Variants in GZMM observed in about 807,000 individuals in gnomAD.
GZMM encodes the protein HU-Met-1.
A neutral mutation model predicts 19.2 loss-of-function variants in GZMM; 23 were observed. The observed-to-expected ratio is 1.20, with a 90% CI of 0.86 to 1.69. The LOEUF is 1.69. GZMM is among the 40% of genes most tolerant of loss of function. The pLI, the probability that GZMM is intolerant of heterozygous loss-of-function variation, is 0.00. For missense variants in GZMM, 373 were observed against 352.2 expected, an observed-to-expected ratio of 1.06 and a Z score of -0.47; for synonymous variants, 178 against 160.2, an observed-to-expected ratio of 1.11 and a Z score of -0.84.
At chr19:546,160 A>G (rs563291336) in intron 1 of GZMM, among the ~76,000 whole-genome samples, 1 of 152,350 alleles carries the variant, frequency 6.6e-6, no homozygotes, top group Non-Finnish European at 1.5e-5. Context: ...TATGAAATCA[A>G]TCCTTTTATA....
intron 2 of GZMM, 27 bp from the exon 3 acceptor site, chr19:548,515 C>T (rs1980371309): frequency 1.9e-6 from 3 of 1,610,624 alleles, no homozygotes; most frequent in Non-Finnish European, 2.5e-6. Flanking sequence ...GGCCAGGCCG[C>T]AGCACCCTGA....
At chr19:544,539 G>T (rs1321769410) in intron 1 of GZMM, among the ~76,000 whole-genome samples, 1 of 152,258 alleles carries the variant, frequency 6.6e-6, no homozygotes, top group African/African-American at 2.4e-5. Context: ...GCCCAGCAGT[G>T]AGGGAGAAGG....
intron 2 of GZMM, among the ~76,000 whole-genome samples, chr19:547,652 C>T: frequency 6.6e-6 from 1 of 152,242 alleles, no homozygotes; most frequent in East Asian, 1.9e-4. Flanking sequence ...GCTCCTTCCA[C>T]ACCGCAGCCT....
At chr19:546,964 G>C (rs1478964542) in intron 1 of GZMM, among the ~76,000 whole-genome samples, 4 of 151,976 alleles carry the variant, frequency 2.6e-5, no homozygotes. Context: ...GATCACAGGG[G>C]TGAGCCACCC....
chr19:548,898 C>T (rs531462598), intron 3 of GZMM, 24 bp from the exon 4 acceptor site: 4 of 1,508,940 alleles, frequency 2.7e-6, no homozygotes, highest in East Asian at 2.3e-5. Context: ...CCCCTGCTCA[C>T]CTGCCCCTTC....
chr19:544,401 G>T (rs1980177845), intron 1 of GZMM, among the ~76,000 whole-genome samples: 1 of 152,156 alleles, frequency 6.6e-6, no homozygotes. Context: ...CACACCCGAG[G>T]TGCAGAGTAG....
intron 4 of GZMM, 40 bp downstream of exon 4, chr19:549,225 C>T (rs774272308): frequency 4.4e-5 from 67 of 1,517,972 alleles, no homozygotes; most frequent in East Asian, 2.5e-5. Context: ...ATGAGGCTGG[C>T]GGGAGGGCCG....
Position 548,666 on chromosome 19 carries a change from G to C in GZMM, c.337G>C (p.Ala113Pro), listed in dbSNP as rs567821723. The stretch of plus-strand genomic sequence containing the variant: ...CGTCCCTGCCCTGGAGAACGACCTC[G>C]CGCTGCTTCAGGTGTGCAGGGACGG... ...KPVPALENDL[A>P]LLQLDGKVKP... The change falls in exon 3 of 5, where the codon GCG (alanine) becomes CCG (proline). Residue 113 changes from alanine (A) to proline (P), a missense_variant. Transcript: ENST00000264553. The C allele has an allele frequency of 4.3e-6, 7 of 1,612,872 alleles. No individual in the cohort carries two copies. The Admixed American group carries it at 1.0e-4, about 23-fold the overall frequency.
intron 1 of GZMM, among the ~76,000 whole-genome samples, chr19:545,281 C>T (rs758200787): frequency 3.9e-5 from 6 of 152,100 alleles, no homozygotes; most frequent in Non-Finnish European, 8.8e-5. Context: ...GAGCATAAAC[C>T]AAGGGAGGAA....
At chr19:545,600 G>A (rs1353913367) in intron 1 of GZMM, among the ~76,000 whole-genome samples, 1 of 151,868 alleles carries the variant, frequency 6.6e-6, no homozygotes, top group East Asian at 1.9e-4. Context: ...GCCTGCCTCG[G>A]CCTCCCAAAG....
intron 2 of GZMM, 139 bp downstream of exon 2, chr19:547,575 T>A: frequency 5.0e-6 from 3 of 601,114 alleles, no homozygotes; most frequent in Non-Finnish European, 7.4e-6. Flanking sequence ...TAGGCAGGTT[T>A]AAGTGACCTG....
chr19:549,026 G>A lies in GZMM; in HGVS notation c.453G>A (p.Gly151=), dbSNP rs373711246. ...CTCGGTGCAGCATGGCCGGCTGGGG[G>A]CTGACCCACCAGGGCGGGCGCCTGT... ...AGTRCSMAGW[G]LTHQGGRLSR... is the part of the protein sequence containing the mutation. The change falls in exon 4 of 5, where the codon GGG becomes GGA. Residue 151 remains glycine, a synonymous_variant. Coordinates refer to ENST00000264553, the MANE Select transcript of GZMM (RefSeq NM_005317.4). 1.2e-4 allele frequency: 200 copies of A among 1,602,088 alleles called. 1 individual carries two copies. The East Asian group carries it at 1.7e-3, about 14-fold the overall frequency.
At chr19:546,865 TA>T (rs11367549) in intron 1 of GZMM, among the ~76,000 whole-genome samples, 134,892 of 151,230 alleles carry the variant, frequency 0.89, 60,627 homozygotes, top group South Asian at 0.98. Context: ...AAGTTTTTTT[TA>T]AGAGACTGGG....
At chr19:544,734 CTCAT>C (rs1980195979) in intron 1 of GZMM, among the ~76,000 whole-genome samples, 1 of 107,824 alleles carries the variant, frequency 9.3e-6, no homozygotes. Context: ...CCCTCCCTCC[CTCAT>C]CTCCCCTTCC....
intron 4 of GZMM, 28 bp downstream of exon 4, chr19:549,213 G>A (rs749294600): frequency 1.3e-6 from 2 of 1,546,728 alleles, no homozygotes; most frequent in South Asian, 2.4e-5. Context: ...GGGGCTGGGG[G>A]AATGAGGCTG....
At chr19:548,778 CACT>C (rs1362123019) in intron 3 of GZMM, 101 bp downstream of exon 3, 68 of 754,998 alleles carry the variant, frequency 9.0e-5, no homozygotes, top group Non-Finnish European at 1.3e-4. Flanking sequence ...CCTCCCCCCG[CACT>C]GCTGCCCCTC....
chr19:544,594 A>G (rs1980186309), intron 1 of GZMM, among the ~76,000 whole-genome samples: 1 of 152,016 alleles, frequency 6.6e-6, no homozygotes, highest in African/African-American at 2.4e-5. Context: ...ACTGAGTGAC[A>G]GGGGCTCTTG....
At chr19:548,497 C>G in intron 2 of GZMM, 45 bp from the exon 3 acceptor site, 2 of 1,600,274 alleles carry the variant, frequency 1.2e-6, no homozygotes, top group Non-Finnish European at 1.7e-6. Context: ...GGCGGGTCGT[C>G]CACGCCGGGC....
At chr19:544,156 A>G in intron 1 of GZMM, 30 bp downstream of exon 1, 1 of 1,530,364 alleles carries the variant, frequency 6.5e-7, no homozygotes, top group South Asian at 1.2e-5. Context: ...CAGGGGGGAC[A>G]CTGAGGCCCA....
Sources: gnomAD v4.1 joint callset for allele counts (sites outside exome capture counted in the v4.1 genomes callset) on GRCh38, gnomAD v4.1.1 for gene constraint, MANE v1.5 for transcripts, NCBI Gene and HGNC (gene_info 2026-07-23, HGNC 2026-07-21) for gene names.